Variants in TNIK observed in about 807,000 individuals in gnomAD.
TNIK encodes TRAF2 and NCK interacting kinase, also known as TRAF2 and NCK-interacting protein kinase.
Under a neutral mutation model 191.3 loss-of-function variants are expected in TNIK, and 49 were observed. The ratio of observed to expected loss-of-function variants is 0.26; its 90% CI spans 0.20 to 0.32. The LOEUF is 0.32. Ranked by LOEUF, TNIK falls within the 10% of genes least tolerant of loss-of-function variation. The probability of loss-of-function intolerance (pLI) is 1.00; values close to 1 mark genes in which losing one functional copy is unlikely to be tolerated. For synonymous variants in TNIK, 594 were observed against 600.9 expected (o/e 0.99, Z 0.17); for missense variants, 1,155 against 1,702.3 (o/e 0.68, Z 5.66).
chr3:171,079,053 G>A (rs188838693), intron 28 of TNIK, among the ~76,000 whole-genome samples: 11 of 152,272 alleles, frequency 7.2e-5, no homozygotes, highest in Admixed American at 1.3e-4. Flanking sequence ...TTCCACCTGA[G>A]ATTCCCCTGG....
At chr3:171,315,220 C>G (rs937122660) in intron 2 of TNIK, among the ~76,000 whole-genome samples, 3 of 152,102 alleles carry the variant, frequency 2.0e-5, no homozygotes, top group African/African-American at 7.2e-5. Context: ...GCCACAGTGA[C>G]AAAAACACAG....
intron 2 of TNIK, among the ~76,000 whole-genome samples, chr3:171,314,922 C>T (rs778224771): frequency 2.6e-5 from 4 of 152,114 alleles, no homozygotes; most frequent in East Asian, 3.8e-4. Flanking sequence ...AAACAAAAAG[C>T]ATTTTAATAT....
chr3:171,112,134 A>G (rs2108508109), intron 18 of TNIK, among the ~76,000 whole-genome samples: 1 of 152,370 alleles, frequency 6.6e-6, no homozygotes, highest in South Asian at 2.1e-4. Flanking sequence ...TAATCATTTC[A>G]CAGTGTATAC....
chr3:171,176,280 T>C (rs12487421), intron 8 of TNIK, among the ~76,000 whole-genome samples: 9,568 of 152,232 alleles, frequency 0.063, 425 homozygotes, highest in Middle Eastern at 0.11. Context: ...GCACTCCAAA[T>C]CAATCATGCT....
At chr3:171,335,411 C>T (rs1756862227) in intron 2 of TNIK, among the ~76,000 whole-genome samples, 5 of 152,168 alleles carry the variant, frequency 3.3e-5, no homozygotes. Context: ...AAAAAGTTCT[C>T]TCATGCCCCT....
intron 7 of TNIK, among the ~76,000 whole-genome samples, chr3:171,187,794 A>T (rs147420936): frequency 0.011 from 1,732 of 152,294 alleles, 31 homozygotes; most frequent in African/African-American, 0.04. Context: ...GGATCATTAA[A>T]GTGTTTTGGT....
intron 3 of TNIK, among the ~76,000 whole-genome samples, chr3:171,226,646 T>C (rs1256912080): frequency 1.3e-5 from 2 of 152,288 alleles, no homozygotes; most frequent in South Asian, 2.1e-4. Context: ...TTTGAACTTT[T>C]GTAATACCTA....
At chr3:171,350,701 C>G (rs1026246752) in intron 2 of TNIK, among the ~76,000 whole-genome samples, 17 of 150,994 alleles carry the variant, frequency 1.1e-4, no homozygotes, top group Middle Eastern at 6.9e-3. Flanking sequence ...TTTGAGTACT[C>G]ACTGTATACC....
intron 1 of TNIK, among the ~76,000 whole-genome samples, chr3:171,398,529 A>G (rs1285498362): frequency 1.3e-5 from 2 of 152,194 alleles, no homozygotes; most frequent in Non-Finnish European, 2.9e-5. Context: ...GGTATGGCCC[A>G]CACAGCCCTT....
intron 1 of TNIK, among the ~76,000 whole-genome samples, chr3:171,384,032 T>C (rs984485724): frequency 3.9e-5 from 6 of 152,182 alleles, no homozygotes; most frequent in Admixed American, 2.0e-4. Flanking sequence ...AGATGTTCTG[T>C]ACACTCCCGC....
intron 12 of TNIK, among the ~76,000 whole-genome samples, chr3:171,145,288 G>A (rs898797388): frequency 1.2e-4 from 18 of 152,078 alleles, no homozygotes; most frequent in South Asian, 2.1e-4. Context: ...GGGTATCACC[G>A]TGTTAGCCAG....
intron 24 of TNIK, among the ~76,000 whole-genome samples, 174 bp downstream of exon 24, chr3:171,087,168 C>A (rs767460765): frequency 6.6e-5 from 10 of 152,252 alleles, no homozygotes; most frequent in Non-Finnish European, 1.5e-4. Context: ...GAACTTTTCA[C>A]TGCTCTGCTT....
chr3:171,112,841 G>A (rs977087962), intron 18 of TNIK, among the ~76,000 whole-genome samples: 10 of 152,110 alleles, frequency 6.6e-5, no homozygotes, highest in African/African-American at 2.2e-4. Flanking sequence ...TTTCTCTGCT[G>A]TTAAATATTA....
Position 171,211,175 on chromosome 3 carries a change from C to T in TNIK, c.247G>A (p.Ala83Thr). 1.2e-6 allele frequency: 2 copies of T among 1,612,990 alleles called. No individual in the cohort carries two copies. The highest frequency in any genetic ancestry group is 1.1e-5 in the South Asian group (1 of 90,942). ...TTGATAAAAGCACCATAGTATGTAG[C>T]AATATTCCGGTGATGAGAATATTTC... ...LKKYSHHRNIATYYGAFIKKN... is the reference protein window; with the variant it reads ...LKKYSHHRNITTYYGAFIKKN... Residue 83 changes from alanine to threonine, a missense_variant, in exon 4 of 33, where the codon GCT (alanine) becomes ACT (threonine). Coordinates refer to ENST00000436636, the MANE Select transcript of TNIK (RefSeq NM_015028.4).
chr3:171,288,536 C>T (rs901150750), intron 2 of TNIK, among the ~76,000 whole-genome samples: 2 of 150,894 alleles, frequency 1.3e-5, no homozygotes, highest in Admixed American at 6.6e-5. Context: ...TGGCCGAGTG[C>T]GGTGGCTCAC....
intron 1 of TNIK, among the ~76,000 whole-genome samples, chr3:171,437,006 T>C (rs1348532902): frequency 6.6e-6 from 1 of 152,180 alleles, no homozygotes; most frequent in East Asian, 1.9e-4. Flanking sequence ...TGCCAGTTCC[T>C]CTCTTTTTTT....
At chr3:171,348,678 G>A (rs1712650286) in intron 2 of TNIK, among the ~76,000 whole-genome samples, 1 of 152,014 alleles carries the variant, frequency 6.6e-6, no homozygotes, top group African/African-American at 2.4e-5. Context: ...CTTGGAGAAA[G>A]GGGCCCACGG....
chr3:171,327,928 A>AAAAAAAAAAAAAC (rs1560433753), intron 2 of TNIK, among the ~76,000 whole-genome samples: 3 of 129,464 alleles, frequency 2.3e-5, no homozygotes, highest in African/African-American at 9.5e-5. Context: ...AAAAAAAAAA[A>AAAAAAAAAAAAAC]AAATCACTTG....
chr3:171,310,093 A>T (rs969110499), intron 2 of TNIK, among the ~76,000 whole-genome samples: 2 of 142,944 alleles, frequency 1.4e-5, no homozygotes, highest in Non-Finnish European at 3.1e-5. Context: ...CTCATTTTTC[A>T]TTATTATTTA....
Sources: allele counts gnomAD v4.1 joint callset (sites outside exome capture counted in the v4.1 genomes callset), GRCh38; gene constraint gnomAD v4.1.1; transcripts MANE v1.5; gene names NCBI Gene and HGNC (gene_info 2026-07-23, HGNC 2026-07-21).